Variants in LRP1B observed in about 807,000 individuals in gnomAD.
The protein encoded by LRP1B is LDL receptor related protein 1B.
Under a neutral mutation model 556.6 loss-of-function variants are expected in LRP1B, and 217 were observed. That is an observed-to-expected ratio of 0.39 (90% CI 0.35 to 0.44). LRP1B has a LOEUF of 0.44. LRP1B is among the 20% of genes least tolerant of loss of function. The probability of loss-of-function intolerance (pLI) is 1.00; values close to 1 mark genes in which losing one functional copy is unlikely to be tolerated. For missense variants in LRP1B, 5,053 were observed against 5,620.8 expected (o/e 0.90, Z 3.23); for synonymous variants, 2,047 against 1,865.8 (o/e 1.10, Z -2.50).
intron 1 of LRP1B, among the ~76,000 whole-genome samples, chr2:142,017,632 G>A (rs2105169404): frequency 6.6e-6 from 1 of 152,186 alleles, no homozygotes; most frequent in African/African-American, 2.4e-5. Context: ...CAGCACTTTG[G>A]GAGGCCACAA....
chr2:142,005,823 T>C (rs1427826823), intron 1 of LRP1B, among the ~76,000 whole-genome samples: 1 of 148,984 alleles, frequency 6.7e-6, no homozygotes, highest in Non-Finnish European at 1.5e-5. Flanking sequence ...ACCATCAAAG[T>C]AGAAAAGACA....
chr2:140,408,159 T>C (rs1489637363), intron 66 of LRP1B, among the ~76,000 whole-genome samples: 1 of 151,826 alleles, frequency 6.6e-6, no homozygotes, highest in Non-Finnish European at 1.5e-5. Flanking sequence ...AATGATATAA[T>C]GGACTTTGAG....
At chr2:140,709,405 G>A (rs956571555) in intron 37 of LRP1B, among the ~76,000 whole-genome samples, 2 of 151,696 alleles carry the variant, frequency 1.3e-5, no homozygotes, top group African/African-American at 2.4e-5. Context: ...AGGAGGAGCA[G>A]GAGCAGGAGG....
At chr2:140,855,422 G>T (rs1395749440) in intron 27 of LRP1B, among the ~76,000 whole-genome samples, 1 of 145,764 alleles carries the variant, frequency 6.9e-6, no homozygotes, top group South Asian at 2.2e-4. Context: ...GGAGGCTGAA[G>T]TGGGAGGATT....
chr2:140,592,957 CACACACACACAT>C (rs1225131768), intron 43 of LRP1B, among the ~76,000 whole-genome samples: 1 of 151,640 alleles, frequency 6.6e-6, no homozygotes, highest in Non-Finnish European at 1.5e-5. Flanking sequence ...CACACACACA[CACACACACACAT>C]ACACACAAAG....
At chr2:141,102,979 T>A (rs941601440) in intron 7 of LRP1B, among the ~76,000 whole-genome samples, 5 of 152,154 alleles carry the variant, frequency 3.3e-5, no homozygotes, top group African/African-American at 4.8e-5. Context: ...AATCTTTTCA[T>A]CCTTATCCTA....
intron 9 of LRP1B, among the ~76,000 whole-genome samples, chr2:141,057,636 C>T (rs1190065103): frequency 6.6e-6 from 1 of 151,818 alleles, no homozygotes; most frequent in Non-Finnish European, 1.5e-5. Context: ...CACAAGCTCT[C>T]TGTCTGTGGC....
At chr2:141,303,946 T>C (rs1443395162) in intron 3 of LRP1B, among the ~76,000 whole-genome samples, 4 of 152,200 alleles carry the variant, frequency 2.6e-5, no homozygotes, top group Non-Finnish European at 5.9e-5. Context: ...TTTTTAATAA[T>C]AACCATTCTA....
rs573055487 is a variant in LRP1B, at chr2:140,932,711, A to AT, written c.3137-9565dup. Among the ~76,000 whole-genome samples, 686 of 144,592 alleles carry AT rather than the reference A, an allele frequency of 4.7e-3. 1 individual carries two copies. Among genetic ancestry groups the AT allele is most frequent in the African/African-American group, 0.013 (496 of 39,652 alleles). 94.9% of individuals were successfully genotyped at this position (144,592 alleles called of 152,430 possible). On this transcript the variant is annotated intron_variant, in intron 20 of 90. Transcript: ENST00000389484. ...AATATGGTGAGACTCTGTCTCTATA[A>AT]TTTTTTTTTTTTTCTTAACTAGCAG...
intron 60 of LRP1B, among the ~76,000 whole-genome samples, chr2:140,471,753 G>T (rs915346494): frequency 6.6e-6 from 1 of 152,048 alleles, no homozygotes; most frequent in Non-Finnish European, 1.5e-5. Context: ...ACCATCAATA[G>T]CTCCCTGTGA....
intron 2 of LRP1B, among the ~76,000 whole-genome samples, chr2:141,531,834 T>C (rs1340370515): frequency 6.8e-6 from 1 of 147,192 alleles, no homozygotes; most frequent in African/African-American, 2.4e-5. Flanking sequence ...AAATTTTTTG[T>C]AGGGGCATCC....
intron 3 of LRP1B, among the ~76,000 whole-genome samples, chr2:141,285,609 C>G (rs1414183423): frequency 4.7e-5 from 7 of 148,580 alleles, no homozygotes; most frequent in African/African-American, 1.5e-4. Context: ...GTGCCCGCCA[C>G]CAAGGCCGGC....
intron 3 of LRP1B, among the ~76,000 whole-genome samples, chr2:141,305,444 C>T (rs185014101): frequency 1.8e-4 from 28 of 151,966 alleles, no homozygotes; most frequent in African/African-American, 6.8e-4. Context: ...GATTTTATAT[C>T]CTATGAATTT....
At chr2:141,950,320 A>T (rs1404719262) in intron 1 of LRP1B, among the ~76,000 whole-genome samples, 1 of 152,174 alleles carries the variant, frequency 6.6e-6, no homozygotes, top group Non-Finnish European at 1.5e-5. Flanking sequence ...AAATAATTTG[A>T]TATTAAAGAG....
At chr2:140,936,412 C>T (rs959860270) in intron 20 of LRP1B, among the ~76,000 whole-genome samples, 1 of 150,320 alleles carries the variant, frequency 6.7e-6, no homozygotes, top group African/African-American at 2.4e-5. Context: ...ATCCTGTCAT[C>T]CAAGAATCCT....
intron 41 of LRP1B, among the ~76,000 whole-genome samples, chr2:140,679,697 A>T (rs2105375103): frequency 6.6e-6 from 1 of 152,212 alleles, no homozygotes; most frequent in Middle Eastern, 3.4e-3. Flanking sequence ...AATTTGGTAA[A>T]TACGTAAGTT....
intron 41 of LRP1B, among the ~76,000 whole-genome samples, chr2:140,614,407 A>G (rs1292665787): frequency 6.6e-6 from 1 of 151,972 alleles, no homozygotes; most frequent in Admixed American, 6.6e-5. Flanking sequence ...TAGGAGTACT[A>G]TTCACCCCTC....
At chr2:142,115,552 TATTATATATGTAA>T (rs1396862115) in intron 1 of LRP1B, among the ~76,000 whole-genome samples, 1 of 22,668 alleles carries the variant, frequency 4.4e-5, no homozygotes, top group African/African-American at 9.0e-5. Flanking sequence ...GTAATATATA[TATTATATATGTAA>T]TATATATTAT....
At chr2:140,797,036 G>A (rs1690340616) in intron 32 of LRP1B, among the ~76,000 whole-genome samples, 2 of 151,878 alleles carry the variant, frequency 1.3e-5, no homozygotes, top group Non-Finnish European at 2.9e-5. Flanking sequence ...TTGTACTGAT[G>A]ATTATTCATT....
Sources: allele counts gnomAD v4.1 joint callset (sites outside exome capture counted in the v4.1 genomes callset), GRCh38; gene constraint gnomAD v4.1.1; transcripts MANE v1.5; gene names NCBI Gene and HGNC (gene_info 2026-07-23, HGNC 2026-07-21).